EDIL3: variants seen among roughly 807,000 people sequenced by gnomAD.
EDIL3 encodes the protein EGF-like repeat and discoidin I-like domain-containing protein 3.
In EDIL3, 37 loss-of-function variants were observed where a neutral mutation model predicts 67.4. The ratio of observed to expected loss-of-function variants is 0.55; its 90% CI spans 0.42 to 0.72. The LOEUF (loss-of-function observed/expected upper bound fraction) is 0.72, where lower values mean the gene tolerates loss of function less well. Ranked by LOEUF, EDIL3 falls within the 30% of genes least tolerant of loss-of-function variation. EDIL3 has a pLI of 0.00. For synonymous variants in EDIL3, 195 were observed against 196.3 expected, an observed-to-expected ratio of 0.99 and a Z score of 0.05; for missense variants, 527 against 586.3, an observed-to-expected ratio of 0.90 and a Z score of 1.04.
chr5:84,169,734 T>A (rs548494378), intron 4 of EDIL3, among the ~76,000 whole-genome samples: 1 of 151,844 alleles, frequency 6.6e-6, no homozygotes, highest in Non-Finnish European at 1.5e-5. Flanking sequence ...TTCCTTTGCA[T>A]TGCTGAGTAG....
At chr5:84,124,837 A>C (rs1747838397) in intron 5 of EDIL3, among the ~76,000 whole-genome samples, 1 of 152,020 alleles carries the variant, frequency 6.6e-6, no homozygotes, top group African/African-American at 2.4e-5. Flanking sequence ...CAAAAGGTTA[A>C]ATGTGTATAA....
intron 6 of EDIL3, among the ~76,000 whole-genome samples, chr5:84,079,657 A>G (rs2112256403): frequency 6.6e-6 from 1 of 152,238 alleles, no homozygotes; most frequent in East Asian, 1.9e-4. Flanking sequence ...GTCTCAGGCA[A>G]AAAGAACAGG....
chr5:84,175,977 C>A (rs1265966216), intron 4 of EDIL3, among the ~76,000 whole-genome samples: 1 of 151,616 alleles, frequency 6.6e-6, no homozygotes, highest in Admixed American at 6.6e-5. Context: ...ATCATGAAAA[C>A]AGCAAATATC....
intron 1 of EDIL3, among the ~76,000 whole-genome samples, chr5:84,282,564 T>C (rs913542543): frequency 3.3e-5 from 5 of 152,218 alleles, no homozygotes; most frequent in African/African-American, 1.2e-4. Flanking sequence ...TGCAATTACA[T>C]TTTAATATAT....
intron 4 of EDIL3, among the ~76,000 whole-genome samples, chr5:84,167,415 T>C (rs1419029319): frequency 6.6e-6 from 1 of 152,076 alleles, no homozygotes; most frequent in African/African-American, 2.4e-5. Context: ...TCCCTGCTTC[T>C]CACCTCACAT....
At chr5:84,046,141 G>A (rs140600888) in intron 9 of EDIL3, among the ~76,000 whole-genome samples, 2 of 152,266 alleles carry the variant, frequency 1.3e-5, no homozygotes, top group African/African-American at 4.8e-5. Flanking sequence ...TGTAGGAATT[G>A]CATTTTCCAA....
intron 6 of EDIL3, among the ~76,000 whole-genome samples, chr5:84,073,114 G>C (rs1746773036): frequency 6.6e-6 from 1 of 152,150 alleles, no homozygotes; most frequent in Non-Finnish European, 1.5e-5. Context: ...TATCTCAATA[G>C]ATGCAGAAAA....
rs551766484 is a variant in EDIL3, at chr5:83,964,610, G to A, written c.1138-1250C>T. On this transcript the variant is annotated intron_variant, in intron 9 of 10. Transcript: ENST00000296591. ...GAATAAGGCCATATTTAGTGACACAGATGCCCATCAGCAAAGGTGTGAAAC... is the reference window on the plus strand; with the variant it reads ...GAATAAGGCCATATTTAGTGACACAAATGCCCATCAGCAAAGGTGTGAAAC... Among the ~76,000 whole-genome samples, 3 of 152,100 alleles carry A rather than the reference G, an allele frequency of 2.0e-5. No individual in the cohort carries two copies. In the South Asian group the frequency reaches 6.2e-4, roughly 32 times the overall value.
At chr5:84,366,441 T>A (rs939720120) in intron 1 of EDIL3, among the ~76,000 whole-genome samples, 1 of 152,206 alleles carries the variant, frequency 6.6e-6, no homozygotes, top group Admixed American at 6.6e-5. Context: ...AATGTGACTC[T>A]TGAAACCTAG....
chr5:84,149,965 G>T (rs919042220), intron 4 of EDIL3, among the ~76,000 whole-genome samples: 48 of 152,110 alleles, frequency 3.2e-4, no homozygotes, highest in African/African-American at 1.1e-3. Context: ...AACACATATA[G>T]TTAGTCTAAA....
rs752925943 is a variant in EDIL3 at position 84,106,659 on chromosome 5, G to A, written c.641C>T (p.Pro214Leu). ...AWTAAENDRW[P>L]WIQINLQRKM... ...CATCCCATCTGTTACCTGAATCCAC[G>A]GCCATCTGTCATTTTCTGCAGCTGT... Residue 214 changes from proline to leucine, a missense_variant, in exon 6 of 11, where the codon CCG becomes CTG. By Grantham distance (98) the Pro-to-Leu change is moderately conservative. Transcript: ENST00000296591. The A allele has an allele frequency of 1.9e-6, 3 of 1,601,116 alleles. No individual in the cohort carries two copies. Among genetic ancestry groups the A allele is most frequent in the African/African-American group, 1.3e-5 (1 of 74,114 alleles).
intron 1 of EDIL3, 104 bp from the exon 2 acceptor site, chr5:84,254,316 T>C (rs115616476): frequency 7.7e-7 from 1 of 1,296,838 alleles, no homozygotes; most frequent in African/African-American, 1.5e-5. Context: ...AAGTCAAAAG[T>C]CAGGGTAATA....
rs186163750 is a variant in EDIL3 at position 83,943,211 on chromosome 5, T to C, written c.*208A>G. ...ACTTAATGTGTTGTTACTTAAGAGA[T>C]TTGACGGATAAAATAAAATCAAATT... On this transcript the variant is annotated 3_prime_UTR_variant, in exon 11 of 11. Coordinates refer to ENST00000296591, the MANE Select transcript of EDIL3 (RefSeq NM_005711.5). 1.6e-4 allele frequency: 90 copies of C among 572,188 alleles called. No homozygotes were observed. In the East Asian group the frequency reaches 2.4e-3, roughly 15 times the overall value. 35.4% of individuals were successfully genotyped at this position (572,188 alleles called of 1,614,324 possible). A position where few individuals can be genotyped will look rare whatever the true frequency, so the allele number is the denominator to read the frequency against.
intron 5 of EDIL3, among the ~76,000 whole-genome samples, chr5:84,120,545 T>G (rs186169408): frequency 1.3e-5 from 2 of 152,182 alleles, no homozygotes; most frequent in East Asian, 3.9e-4. Context: ...ATGAAAATCA[T>G]CTAAAAAGAG....
chr5:84,100,824 A>G (rs1273242053), intron 6 of EDIL3, among the ~76,000 whole-genome samples: 1 of 152,120 alleles, frequency 6.6e-6, no homozygotes, highest in Non-Finnish European at 1.5e-5. Flanking sequence ...TCAGTCTGAA[A>G]AATTCAGCTC....
intron 1 of EDIL3, among the ~76,000 whole-genome samples, chr5:84,323,383 C>T (rs1025002115): frequency 6.6e-5 from 10 of 151,570 alleles, no homozygotes; most frequent in African/African-American, 2.4e-4. Flanking sequence ...AAAATGCTGT[C>T]CCCATAGTAA....
intron 4 of EDIL3, among the ~76,000 whole-genome samples, chr5:84,147,796 T>C (rs1001690185): frequency 7.3e-5 from 11 of 151,460 alleles, no homozygotes; most frequent in African/African-American, 2.4e-4. Context: ...TACATTTCAA[T>C]AACAGGCACT....
chr5:84,317,072 G>A (rs1435375833), intron 1 of EDIL3, among the ~76,000 whole-genome samples: 1 of 152,084 alleles, frequency 6.6e-6, no homozygotes, highest in African/African-American at 2.4e-5. Flanking sequence ...TGAGAACAAA[G>A]ACAAAACATA....
chr5:84,252,835 T>C (rs1165076895), intron 2 of EDIL3, among the ~76,000 whole-genome samples: 1 of 152,134 alleles, frequency 6.6e-6, no homozygotes, highest in African/African-American at 2.4e-5. Context: ...TTTATTTCGA[T>C]GGCACTGTGT....
Sources: gnomAD v4.1 joint callset for allele counts (sites outside exome capture counted in the v4.1 genomes callset) on GRCh38, gnomAD v4.1.1 for gene constraint, MANE v1.5 for transcripts, NCBI Gene and HGNC (gene_info 2026-07-23, HGNC 2026-07-21) for gene names.